The following MAOB variants were observed in gnomAD, a reference collection of about 807,000 sequenced individuals.
MAOB encodes amine oxidase [flavin-containing] B.
A neutral mutation model predicts 41.9 loss-of-function variants in MAOB; 15 were observed. The observed-to-expected ratio is 0.36, with a 90% CI of 0.24 to 0.55. The LOEUF is 0.55. MAOB is among the 20% of genes least tolerant of loss of function. MAOB has a pLI of 0.86. For synonymous variants in MAOB, 167 were observed against 144.2 expected (o/e 1.16, Z -1.13); for missense variants, 345 against 398.7 (o/e 0.87, Z 1.15).
intron 12 of MAOB, among the ~76,000 whole-genome samples, chrX:43,771,095 TG>T (rs1326354695): frequency 8.9e-6 from 1 of 111,897 alleles, no homozygotes; most frequent in African/African-American, 3.2e-5. Flanking sequence ...CTGCTCTGAT[TG>T]TAGTCATCAC....
intron 12 of MAOB, among the ~76,000 whole-genome samples, chrX:43,774,965 G>C (rs1239203051): frequency 9.1e-6 from 1 of 109,985 alleles, no homozygotes; most frequent in African/African-American, 3.3e-5. Context: ...CTCTTCCAGG[G>C]AAAAGCAGCA....
At chrX:43,857,084 AATATATATATAT>A (rs1157628579) in intron 1 of MAOB, among the ~76,000 whole-genome samples, 7 of 22,720 alleles carry the variant, frequency 3.1e-4, no homozygotes, top group South Asian at 5.7e-3. Context: ...CTATTCTTTA[AATATATATATAT>A]ATATATATAT....
intron 3 of MAOB, among the ~76,000 whole-genome samples, chrX:43,810,146 G>A (rs1322178317): frequency 1.0e-5 from 1 of 97,595 alleles, no homozygotes; most frequent in Non-Finnish European, 2.0e-5. Context: ...GGGAGGCTGA[G>A]GCAGGAGAAT....
intron 1 of MAOB, among the ~76,000 whole-genome samples, chrX:43,873,454 A>G (rs1242738371): frequency 9.0e-6 from 1 of 110,672 alleles, no homozygotes; most frequent in Non-Finnish European, 1.9e-5. Context: ...GGAGGAGAGT[A>G]GAATTAAAAA....
intron 1 of MAOB, among the ~76,000 whole-genome samples, chrX:43,874,653 A>C (rs1262528221): frequency 1.8e-5 from 2 of 111,028 alleles, no homozygotes; most frequent in Non-Finnish European, 3.8e-5. Flanking sequence ...GACAAGCTGG[A>C]CTTTCTACTG....
chrX:43,862,781 A>AG (rs994866361), intron 1 of MAOB, among the ~76,000 whole-genome samples: 1 of 111,807 alleles, frequency 8.9e-6, no homozygotes, highest in Non-Finnish European at 1.9e-5. Context: ...TTACCTACCC[A>AG]GTTCAGAAAC....
intron 7 of MAOB, among the ~76,000 whole-genome samples, chrX:43,794,418 A>AT (rs1276956954): frequency 9.2e-6 from 1 of 109,260 alleles, no homozygotes; most frequent in Non-Finnish European, 1.9e-5. Flanking sequence ...TTCCTGCTTG[A>AT]TTTTTTCCGC....
chrX:43,779,689 C>T (rs756358117), intron 10 of MAOB, among the ~76,000 whole-genome samples: 4 of 111,097 alleles, frequency 3.6e-5, no homozygotes, highest in Non-Finnish European at 5.7e-5. Flanking sequence ...GGGAAGAGGC[C>T]GAGGCAGACC....
At chrX:43,863,010 G>A (rs1458202776) in intron 1 of MAOB, among the ~76,000 whole-genome samples, 4 of 111,795 alleles carry the variant, frequency 3.6e-5, no homozygotes, top group African/African-American at 1.3e-4. Flanking sequence ...GAAAAAGATT[G>A]ATAAAGCAAA....
chrX:43,882,212 C>G, intron 1 of MAOB, 42 bp downstream of exon 1: 3 of 1,203,036 alleles, frequency 2.5e-6, no homozygotes, highest in Non-Finnish European at 3.4e-6. Context: ...GCCACCTGTC[C>G]GAGCGCGTGA....
intron 3 of MAOB, among the ~76,000 whole-genome samples, chrX:43,836,566 T>G (rs1169537412): frequency 8.9e-6 from 1 of 112,328 alleles, no homozygotes; most frequent in African/African-American, 3.2e-5. Flanking sequence ...CATATGCATG[T>G]GCATACAATT....
At chrX:43,779,807 T>C (rs1161258380) in intron 10 of MAOB, among the ~76,000 whole-genome samples, 1 of 111,794 alleles carries the variant, frequency 8.9e-6, no homozygotes, top group African/African-American at 3.3e-5. Flanking sequence ...TCCTGGTAAA[T>C]AGGTTATTAG....
intron 12 of MAOB, 66 bp downstream of exon 12, chrX:43,775,109 A>G: frequency 9.7e-7 from 1 of 1,025,646 alleles, no homozygotes; most frequent in South Asian, 3.5e-5. Context: ...AGCTACCTGA[A>G]CCTATTTAGG....
At position 43,803,337 on chromosome X, in the gene MAOB, T is replaced by G; in HGVS notation, c.347A>C (p.Asn116Thr). 1 of 1,172,999 alleles carries G rather than the reference T, an allele frequency of 8.5e-7. No homozygotes were observed. The highest frequency in any genetic ancestry group is 1.1e-6 in the Non-Finnish European group (1 of 880,475). ...VWNPITYLDH[N>T]NFWRTMDDMG... is the part of the protein sequence containing the mutation. ...GTCATCCATTGTCCTCCAAAAGTTG[T>G]TATGATCTAAGTAGGTAATTGGATT... Residue 116 changes from asparagine (N) to threonine (T), a missense_variant, in exon 4 of 15, where the codon AAC becomes ACC. Asn to Thr is a moderately conservative substitution (Grantham distance 65). Transcript: ENST00000378069.
chrX:43,807,289 A>C (rs1246663574), intron 3 of MAOB, among the ~76,000 whole-genome samples: 1 of 112,073 alleles, frequency 8.9e-6, no homozygotes, highest in African/African-American at 3.2e-5. Context: ...GATGACTGAC[A>C]CAGAGTAAGA....
chrX:43,771,535 G>C (rs772756833), intron 12 of MAOB, among the ~76,000 whole-genome samples: 2 of 111,209 alleles, frequency 1.8e-5, no homozygotes, highest in Non-Finnish European at 3.8e-5. Context: ...AATATATAGA[G>C]AGCCTAAGGG....
At chrX:43,863,673 A>G (rs2035347709) in intron 1 of MAOB, among the ~76,000 whole-genome samples, 2 of 111,709 alleles carry the variant, frequency 1.8e-5, no homozygotes, top group Admixed American at 1.9e-4. Flanking sequence ...ACAACTGATC[A>G]ACTTTCTTTG....
chrX:43,871,377 A>G (rs774452791), intron 1 of MAOB, among the ~76,000 whole-genome samples: 1 of 110,605 alleles, frequency 9.0e-6, no homozygotes, highest in Non-Finnish European at 1.9e-5. Context: ...ACTTAAAGCT[A>G]TATTTCAAGG....
At position 43,882,295 on chromosome X, in the gene MAOB, C is replaced by T. The variant is rs778172877; in HGVS notation, c.5G>A (p.Ser2Asn). Residue 2 changes from serine (S) to asparagine (N), a missense_variant, in exon 1 of 15, where the codon AGC becomes AAC. Coordinates refer to ENST00000378069, the MANE Select transcript of MAOB (RefSeq NM_000898.5). ...CACCACGACCACGTCGCATTTGTTG[C>T]TCATGGCGCTCGCCCCGTTCCAGGC... is the stretch of plus-strand genomic sequence containing the variant. M[S>N]NKCDVVVVGG... is the part of the protein sequence containing the mutation. 1 of 1,208,451 alleles carries T rather than the reference C, an allele frequency of 8.3e-7. No individual in the cohort carries two copies.
Sources: allele counts gnomAD v4.1 joint callset (sites outside exome capture counted in the v4.1 genomes callset), GRCh38; gene constraint gnomAD v4.1.1; transcripts MANE v1.5; gene names NCBI Gene and HGNC (gene_info 2026-07-23, HGNC 2026-07-21).